Variants in UBQLN4 observed in about 807,000 individuals in gnomAD.
The protein encoded by UBQLN4 is ubiquilin 4.
A neutral mutation model predicts 60.4 loss-of-function variants in UBQLN4; 11 were observed. The observed-to-expected ratio is 0.18, with a 90% confidence interval of 0.11 to 0.30. The LOEUF is 0.30. UBQLN4 is among the 10% of genes least tolerant of loss of function. The pLI is 1.00. For missense variants in UBQLN4, 417 were observed against 795.5 expected, an observed-to-expected ratio of 0.52 and a Z score of 5.72; for synonymous variants, 258 against 313.1, an observed-to-expected ratio of 0.82 and a Z score of 1.86.
chr1:156,044,786 T>C (rs1683657545), intron 5 of UBQLN4, among the ~76,000 whole-genome samples: 1 of 151,920 alleles, frequency 6.6e-6, no homozygotes, highest in Admixed American at 6.6e-5. Context: ...TACCTGGCAT[T>C]CTCTGTCCAT....
intron 10 of UBQLN4, among the ~76,000 whole-genome samples, chr1:156,041,264 C>A (rs539057277): frequency 6.6e-6 from 1 of 152,162 alleles, no homozygotes; most frequent in African/African-American, 2.4e-5. Context: ...GCATTTAGAA[C>A]AGTATGTAGT....
At chr1:156,032,151 T>A (rs1459055857), downstream of UBQLN4, among the ~76,000 whole-genome samples, 1 of 151,630 alleles carries the variant, frequency 6.6e-6, no homozygotes, top group Non-Finnish European at 1.5e-5. Flanking sequence ...TACAGGCACG[T>A]GCCACCACGC....
intron 10 of UBQLN4, among the ~76,000 whole-genome samples, chr1:156,041,279 G>A (rs1015272504): frequency 6.6e-6 from 1 of 152,138 alleles, no homozygotes; most frequent in Admixed American, 6.6e-5. Flanking sequence ...TGTAGTGCAC[G>A]GGTAAGTACC....
Position 156,036,460 on chromosome 1 carries a change from G to T in UBQLN4, c.*518C>A. ...TGCTGAATGAACCAGAATAGGGGCCGAGAAGGAAAATTACCACCTGTTTCA... is the reference window on the plus strand; with the variant it reads ...TGCTGAATGAACCAGAATAGGGGCCTAGAAGGAAAATTACCACCTGTTTCA... On this transcript the variant is annotated 3_prime_UTR_variant, in exon 11 of 11. Transcript: ENST00000368309. The T allele has an allele frequency of 9.1e-6, 9 of 986,354 alleles. No homozygotes were observed. Among genetic ancestry groups the T allele is most frequent in the Non-Finnish European group, 1.1e-5 (9 of 830,504 alleles). The allele number at this position is 986,354 out of a possible 1,614,324, so 61.1% of individuals were successfully genotyped here. A position where few individuals can be genotyped will look rare whatever the true frequency, so the allele number is the denominator to read the frequency against.
downstream of UBQLN4, among the ~76,000 whole-genome samples, chr1:156,032,706 T>C (rs1396406693): frequency 2.6e-5 from 4 of 152,126 alleles, no homozygotes; most frequent in Non-Finnish European, 4.4e-5. Flanking sequence ...GTTTGCTCTG[T>C]GATCTCCATG....
At position 156,041,501 on chromosome 1, in the gene UBQLN4, C is replaced by G. The variant is rs1683563283; in HGVS notation, c.1637G>C (p.Gly546Ala). 6.2e-7 allele frequency: 1 copy of G among 1,601,274 alleles called. No individual in the cohort carries two copies. The highest frequency in any genetic ancestry group is 1.3e-5 in the African/African-American group (1 of 74,388). Residue 546 changes from glycine to alanine, a missense_variant, in exon 10 of 11, where the codon GGA becomes GCA. By Grantham distance (60) the Gly-to-Ala change is moderately conservative. Coordinates refer to ENST00000368309, the MANE Select transcript of UBQLN4 (RefSeq NM_020131.5). ...LMQQMIQLLAGSGNSQVQTPE... is the reference protein window; with the variant it reads ...LMQQMIQLLAASGNSQVQTPE... The stretch of plus-strand genomic sequence containing the variant: ...CTCATGTACCTGTGAGTTTCCACTT[C>G]CAGCCAAAAGCTGGATCATCTGCTG...
At chr1:156,040,061 G>T (rs1303997654) in intron 10 of UBQLN4, among the ~76,000 whole-genome samples, 1 of 151,660 alleles carries the variant, frequency 6.6e-6, no homozygotes, top group East Asian at 2.0e-4. Context: ...TGGGGTCACA[G>T]AGAAAGTCAG....
chr1:156,041,042 G>A (rs1683548623), intron 10 of UBQLN4, among the ~76,000 whole-genome samples: 1 of 152,182 alleles, frequency 6.6e-6, no homozygotes, highest in South Asian at 2.1e-4. Flanking sequence ...TTTGATATAA[G>A]CAGAAATGGT....
Position 156,041,648 on chromosome 1 carries a change from C to T in UBQLN4, c.1490G>A (p.Arg497Gln), listed in dbSNP as rs753922617. The change falls in exon 10 of 11, where the codon CGG becomes CAG. Residue 497 changes from arginine (R) to glutamine (Q), a missense_variant. By Grantham distance (43) the Arg-to-Gln change is conservative. Transcript: ENST00000368309. ...GCTGCCTGCTGAGGGTGCTGGGGTC[C>T]GGGATATCCCAAAGGAGCCAAGGCT... is the stretch of plus-strand genomic sequence containing the variant. ...VPSLGSFGIS[R>Q]TPAPSAGSNA... 95 of 1,579,030 alleles carry T rather than the reference C, an allele frequency of 6.0e-5. No homozygotes were observed. Among genetic ancestry groups the T allele is most frequent in the South Asian group, 1.4e-4 (12 of 86,816 alleles).
intron 9 of UBQLN4, 27 bp from the exon 10 acceptor site, chr1:156,041,698 G>A (rs1486018885): frequency 6.7e-7 from 1 of 1,488,822 alleles, no homozygotes; most frequent in Non-Finnish European, 8.9e-7. Context: ...CCAAGAGGTA[G>A]GAGATGGCAT....
intron 10 of UBQLN4, among the ~76,000 whole-genome samples, chr1:156,037,921 CT>C (rs199505350): frequency 6.6e-6 from 1 of 151,092 alleles, no homozygotes; most frequent in Admixed American, 6.6e-5. Flanking sequence ...GAAGTATTTC[CT>C]TTTTTTTTGA....
Position 156,036,182 on chromosome 1 carries a change from T to G in UBQLN4, c.*796A>C, listed in dbSNP as rs1683397831. ...CTTCTGCCAGCTCGGGCCTGGATTC[T>G]TCTGCCTAAAAGAGCTATGAGTGCT... On this transcript the variant is annotated 3_prime_UTR_variant, in exon 11 of 11. Transcript: ENST00000368309. 7.1e-6 allele frequency: 7 copies of G among 985,626 alleles called. No individual in the cohort carries two copies. Among genetic ancestry groups the G allele is most frequent in the Non-Finnish European group, 8.4e-6 (7 of 829,962 alleles). The allele number at this position is 985,626 out of a possible 1,614,324, so 61.1% of individuals were successfully genotyped here. A position where few individuals can be genotyped will look rare whatever the true frequency, so the allele number is the denominator to read the frequency against.
chr1:156,052,001 TC>T, intron 1 of UBQLN4, 144 bp from the exon 2 acceptor site: 1 of 956,794 alleles, frequency 1.0e-6, no homozygotes, highest in Non-Finnish European at 1.5e-6. Flanking sequence ...ACGCCATTCC[TC>T]CAGCTGCAAT....
chr1:156,040,137 T>C (rs1012129630), intron 10 of UBQLN4, among the ~76,000 whole-genome samples: 2 of 151,772 alleles, frequency 1.3e-5, no homozygotes, highest in African/African-American at 4.8e-5. Context: ...CTCACGCCTA[T>C]AATCCCAGCA....
In UBQLN4 at chr1:156,044,038, G is replaced by A. The variant is rs776812395; in HGVS notation, c.1086C>T (p.Val362=). The A allele has an allele frequency of 6.2e-7, 1 of 1,610,280 alleles. No homozygotes were observed. The highest frequency in any genetic ancestry group is 8.5e-7 in the Non-Finnish European group (1 of 1,177,986). Residue 362 remains valine, a synonymous_variant, in exon 6 of 11, where the codon GTC becomes GTT. Coordinates refer to ENST00000368309, the MANE Select transcript of UBQLN4 (RefSeq NM_020131.5). Reference sequence around the variant, plus strand: ...CCGCATTGATCCCAAAGGGGTTCGAGACTGTCGGGTGCACCTGGCTGGTCC... The same window carrying A: ...CCGCATTGATCCCAAAGGGGTTCGAAACTGTCGGGTGCACCTGGCTGGTCC... The part of the protein sequence containing the change: ...GSGTSQVHPT[V]SNPFGINAAS...
chr1:156,042,704 C>T, intron 7 of UBQLN4, 70 bp downstream of exon 7: 2 of 1,579,922 alleles, frequency 1.3e-6, no homozygotes, highest in Non-Finnish European at 1.7e-6. Flanking sequence ...AGTGTTTTGA[C>T]CACAAGAAAC....
intron 5 of UBQLN4, among the ~76,000 whole-genome samples, chr1:156,045,932 A>T (rs550223185): frequency 6.6e-6 from 1 of 151,620 alleles, no homozygotes; most frequent in South Asian, 2.1e-4. Context: ...TGCAACCTCC[A>T]CCTCCAGGGT....
intron 5 of UBQLN4, among the ~76,000 whole-genome samples, chr1:156,044,768 A>G (rs1683656929): frequency 6.6e-6 from 1 of 151,842 alleles, no homozygotes; most frequent in Non-Finnish European, 1.5e-5. Context: ...CTCACTCCCC[A>G]GGTCCCCTAC....
At chr1:156,041,172 C>G (rs1204675907) in intron 10 of UBQLN4, among the ~76,000 whole-genome samples, 2 of 152,174 alleles carry the variant, frequency 1.3e-5, no homozygotes, top group Non-Finnish European at 2.9e-5. Flanking sequence ...ATCTTTAACA[C>G]AGAAATAATA....
Sources: allele counts gnomAD v4.1 joint callset (sites outside exome capture counted in the v4.1 genomes callset), GRCh38; gene constraint gnomAD v4.1.1; transcripts MANE v1.5; gene names NCBI Gene and HGNC (gene_info 2026-07-23, HGNC 2026-07-21).